The following NOX3 variants were observed in gnomAD, a reference collection of about 807,000 sequenced individuals.
NOX3 encodes the protein NADPH oxidase catalytic subunit-like 3.
NOX3 carries 74 observed loss-of-function variants against 76.7 expected under a neutral mutation model. That is an observed-to-expected ratio of 0.96 (90% confidence interval 0.80 to 1.17). The LOEUF (loss-of-function observed/expected upper bound fraction) is 1.17, where lower values mean the gene tolerates loss of function less well. NOX3 is among the 50% of genes most tolerant of loss of function. NOX3 has a pLI of 0.00. For missense variants in NOX3, 695 were observed against 703.3 expected (o/e 0.99, Z 0.13); for synonymous variants, 263 against 261.1 (o/e 1.01, Z -0.07).
At chr6:155,402,605 T>C (rs762075994) in intron 12 of NOX3, among the ~76,000 whole-genome samples, 1 of 152,216 alleles carries the variant, frequency 6.6e-6, no homozygotes, top group Non-Finnish European at 1.5e-5. Context: ...TTCTGGTTCC[T>C]TTATAGCTTG....
intron 6 of NOX3, among the ~76,000 whole-genome samples, chr6:155,437,906 G>A (rs1301659645): frequency 1.3e-5 from 2 of 152,204 alleles, no homozygotes; most frequent in Non-Finnish European, 2.9e-5. Flanking sequence ...GTAAACAGTA[G>A]CTGTAGAATA....
chr6:155,437,041 C>T (rs905422656), intron 6 of NOX3, among the ~76,000 whole-genome samples: 3 of 152,074 alleles, frequency 2.0e-5, no homozygotes, highest in African/African-American at 7.2e-5. Context: ...TCCTAGTGAC[C>T]ACCAGCAAGC....
intron 11 of NOX3, among the ~76,000 whole-genome samples, chr6:155,410,065 A>T (rs554397469): frequency 1.3e-5 from 2 of 152,150 alleles, no homozygotes; most frequent in African/African-American, 4.8e-5. Context: ...CAAAAATCCC[A>T]CTTGAATAAG....
chr6:155,398,190 A>G (rs1779164722), intron 12 of NOX3, among the ~76,000 whole-genome samples: 1 of 152,190 alleles, frequency 6.6e-6, no homozygotes, highest in South Asian at 2.1e-4. Context: ...TGTGCATAAA[A>G]TCATCTAGGC....
intron 10 of NOX3, among the ~76,000 whole-genome samples, chr6:155,416,624 A>G (rs547808953): frequency 2.6e-5 from 4 of 152,042 alleles, no homozygotes; most frequent in African/African-American, 4.8e-5. Flanking sequence ...CTCAATGTTA[A>G]CTATTTCATG....
intron 4 of NOX3, 21 bp from the exon 5 acceptor site, chr6:155,443,439 CA>C (rs1777021367): frequency 1.9e-6 from 3 of 1,610,160 alleles, no homozygotes; most frequent in Non-Finnish European, 2.5e-6. Context: ...GAGATGACAC[CA>C]AACATGCACC....
chr6:155,403,564 G>A (rs1779262335), intron 12 of NOX3, among the ~76,000 whole-genome samples: 1 of 152,208 alleles, frequency 6.6e-6, no homozygotes. Context: ...CCATCAAGGA[G>A]AGAGAGTTTG....
At chr6:155,404,818 G>T (rs897472682) in intron 12 of NOX3, among the ~76,000 whole-genome samples, 2 of 152,214 alleles carry the variant, frequency 1.3e-5, no homozygotes, top group East Asian at 3.9e-4. Context: ...GGCAGTTGAG[G>T]TCTGAGTAAC....
At position 155,455,783 on chromosome 6, in the gene NOX3, A is replaced by G. The variant is rs777653913; in HGVS notation, c.18T>C (p.Ile6=). 6 of 1,613,860 alleles carry G rather than the reference A, an allele frequency of 3.7e-6. No individual in the cohort carries two copies. The South Asian group carries it at 6.6e-5, about 18-fold the overall frequency. ...ATATGGTGGAGAGACCCTCATTCAA[A>G]ATCCAGCACCCCATCATGATACTTG... MMGCW[I]LNEGLSTILV... is the part of the protein sequence containing the mutation. The change falls in exon 1 of 14, where the codon ATT becomes ATC. Residue 6 remains isoleucine (I), a synonymous_variant. Coordinates refer to ENST00000159060, the MANE Select transcript of NOX3 (RefSeq NM_015718.3).
chr6:155,436,312 G>T, intron 7 of NOX3, 106 bp downstream of exon 7: 1 of 1,287,860 alleles, frequency 7.8e-7, no homozygotes, highest in Non-Finnish European at 1.1e-6. Context: ...TAAAGAGTTG[G>T]CTTTGTCTAG....
At chr6:155,452,800 GCTC>G (rs1380876076) in intron 4 of NOX3, among the ~76,000 whole-genome samples, 1 of 152,128 alleles carries the variant, frequency 6.6e-6, no homozygotes, top group Non-Finnish European at 1.5e-5. Context: ...GTTGATGACT[GCTC>G]CTCCTCCTTT....
intron 6 of NOX3, among the ~76,000 whole-genome samples, chr6:155,437,698 G>T (rs1225547062): frequency 1.3e-5 from 2 of 152,186 alleles, no homozygotes; most frequent in Non-Finnish European, 2.9e-5. Context: ...TCATTCTCAG[G>T]CTGTAGGCAG....
chr6:155,433,280 G>A (rs577854426), intron 7 of NOX3, among the ~76,000 whole-genome samples: 2 of 152,340 alleles, frequency 1.3e-5, no homozygotes, highest in African/African-American at 2.4e-5. Flanking sequence ...TGTGCCTGGA[G>A]CCCCTGGAAG....
chr6:155,439,955 C>T lies in NOX3; in HGVS notation c.668+1G>A. On this transcript the variant is annotated splice_donor_variant, in intron 6 of 13. Coordinates refer to ENST00000159060, the MANE Select transcript of NOX3 (RefSeq NM_015718.3). LOFTEE classifies it high-confidence loss of function. ...TGCAGAGGAGCGCAGTATGGACTTA[C>T]CCCGTCCCATGGATGGCCAGGCTGA... The T allele has an allele frequency of 6.2e-7, 1 of 1,613,152 alleles. No homozygotes were observed.
Position 155,442,712 on chromosome 6 carries a change from T to A in NOX3, c.486+561A>T, listed in dbSNP as rs558142779. Among the ~76,000 whole-genome samples, 3 of 152,350 alleles carry A rather than the reference T, an allele frequency of 2.0e-5. No homozygotes were observed. The South Asian group carries it at 6.2e-4, about 32-fold the overall frequency. On this transcript the variant is annotated intron_variant, in intron 5 of 13. Transcript: ENST00000159060. ...TTGTTCCCCATAGCTGCTGACAGTC[T>A]GTGCACACAGGTAATTAGCATTAAT... is the stretch of plus-strand genomic sequence containing the variant.
chr6:155,420,822 T>C (rs573119051), intron 10 of NOX3, among the ~76,000 whole-genome samples: 1 of 152,348 alleles, frequency 6.6e-6, no homozygotes, highest in East Asian at 1.9e-4. Flanking sequence ...CCATTAGTAA[T>C]AGCAGTACTG....
At chr6:155,422,127 A>C (rs542290935) in intron 10 of NOX3, among the ~76,000 whole-genome samples, 1 of 152,284 alleles carries the variant, frequency 6.6e-6, no homozygotes, top group African/African-American at 2.4e-5. Flanking sequence ...GCTGGTCCTA[A>C]GAGGGTCCAA....
In NOX3 at chr6:155,452,544, C is replaced by A. The variant is rs61088554; in HGVS notation, c.340+860G>T. On this transcript the variant is annotated intron_variant, in intron 4 of 13. Transcript: ENST00000159060. Reference sequence around the variant, plus strand: ...ATCTTCCCCTCATGTCTCACTGCACCCCCAAAGTTGTGTTAATTGGCACTC... The same window carrying A: ...ATCTTCCCCTCATGTCTCACTGCACACCCAAAGTTGTGTTAATTGGCACTC... 9.8e-3 allele frequency among the ~76,000 whole-genome samples: 1,486 copies of A among 152,250 alleles called. 20 individuals carry two copies. Among genetic ancestry groups the A allele is most frequent in the African/African-American group, 0.032 (1,344 of 41,538 alleles).
chr6:155,398,431 A>G (rs1213786162), intron 12 of NOX3, among the ~76,000 whole-genome samples: 3 of 152,164 alleles, frequency 2.0e-5, no homozygotes, highest in Admixed American at 1.3e-4. Flanking sequence ...ATATGTTAAC[A>G]TGGTTCTCTG....
Sources: gnomAD v4.1 joint callset for allele counts (sites outside exome capture counted in the v4.1 genomes callset) on GRCh38, gnomAD v4.1.1 for gene constraint, MANE v1.5 for transcripts, NCBI Gene and HGNC (gene_info 2026-07-23, HGNC 2026-07-21) for gene names.